The following KCNQ3 variants were observed in gnomAD, a reference collection of about 807,000 sequenced individuals.
KCNQ3 encodes the protein potassium voltage-gated channel subfamily Q member 3.
In KCNQ3, 30 loss-of-function variants were observed where a neutral mutation model predicts 92.5. That is an observed-to-expected ratio of 0.32 (90% CI 0.24 to 0.44). KCNQ3 has a LOEUF of 0.44. Ranked by LOEUF, KCNQ3 falls within the 20% of genes least tolerant of loss-of-function variation. The probability of loss-of-function intolerance (pLI) is 1.00; values close to 1 mark genes in which losing one functional copy is unlikely to be tolerated. For synonymous variants in KCNQ3, 450 were observed against 468.8 expected, an observed-to-expected ratio of 0.96 and a Z score of 0.52; for missense variants, 913 against 1,140.3, an observed-to-expected ratio of 0.80 and a Z score of 2.87.
chr8:132,374,582 T>A (rs1021632564), intron 1 of KCNQ3, among the ~76,000 whole-genome samples: 1 of 152,232 alleles, frequency 6.6e-6, no homozygotes, highest in Non-Finnish European at 1.5e-5. Flanking sequence ...ATAAGTAAAC[T>A]CGTGTTACGG....
At chr8:132,246,108 C>T (rs953428025) in intron 1 of KCNQ3, among the ~76,000 whole-genome samples, 16 of 152,136 alleles carry the variant, frequency 1.1e-4, no homozygotes, top group Admixed American at 8.5e-4. Context: ...GTTTTCCACA[C>T]GGGGCATGGC....
chr8:132,142,289 C>T (rs1385050039), intron 9 of KCNQ3, among the ~76,000 whole-genome samples: 1 of 152,148 alleles, frequency 6.6e-6, no homozygotes, highest in African/African-American at 2.4e-5. Flanking sequence ...TGCAAAAAGC[C>T]AGTTGCACCT....
chr8:132,255,656 A>C (rs1229929673), intron 1 of KCNQ3, among the ~76,000 whole-genome samples: 1 of 152,208 alleles, frequency 6.6e-6, no homozygotes, highest in Non-Finnish European at 1.5e-5. Context: ...CTGCCTGAGC[A>C]TTAAAGTTAT....
At chr8:132,254,583 G>A (rs1815518975) in intron 1 of KCNQ3, among the ~76,000 whole-genome samples, 1 of 152,114 alleles carries the variant, frequency 6.6e-6, no homozygotes, top group South Asian at 2.1e-4. Context: ...GATAATAAAT[G>A]TTTTAATAAT....
intron 1 of KCNQ3, among the ~76,000 whole-genome samples, chr8:132,331,845 GA>G (rs1178237146): frequency 6.6e-6 from 1 of 152,238 alleles, no homozygotes; most frequent in Non-Finnish European, 1.5e-5. Context: ...GGCTGAAGAT[GA>G]AGAGTGACTG....
intron 1 of KCNQ3, among the ~76,000 whole-genome samples, chr8:132,278,705 T>C (rs1050186941): frequency 2.0e-5 from 3 of 152,204 alleles, no homozygotes; most frequent in Non-Finnish European, 4.4e-5. Flanking sequence ...GCAGACCTCC[T>C]GGGCTAGGAA....
intron 1 of KCNQ3, among the ~76,000 whole-genome samples, chr8:132,462,628 C>T (rs1317049850): frequency 6.6e-6 from 1 of 152,190 alleles, no homozygotes; most frequent in Non-Finnish European, 1.5e-5. Flanking sequence ...CTACTGCATT[C>T]AGAATATCTG....
chr8:132,413,345 C>T (rs188688226), intron 1 of KCNQ3, among the ~76,000 whole-genome samples: 116 of 152,338 alleles, frequency 7.6e-4, no homozygotes, highest in Non-Finnish European at 1.3e-3. Context: ...TCTTCACCTA[C>T]GTTATTTCAA....
chr8:132,230,449 CAGAGAGAG>C (rs5895132), intron 1 of KCNQ3, among the ~76,000 whole-genome samples: 1,605 of 142,396 alleles, frequency 0.011, 27 homozygotes, highest in African/African-American at 0.032. Flanking sequence ...GAGAGAGAGA[CAGAGAGAG>C]AGAGAGAGAG....
intron 1 of KCNQ3, among the ~76,000 whole-genome samples, chr8:132,274,459 A>T (rs1160204057): frequency 6.6e-6 from 1 of 152,166 alleles, no homozygotes; most frequent in African/African-American, 2.4e-5. Context: ...TTGGGTGGGG[A>T]CACAGCCAAA....
In KCNQ3 at chr8:132,443,889, T is replaced by G. The variant is rs73708469; in HGVS notation, c.386+36258A>C. ...TTTGTCTTATTTACTCAACAACTAC[T>G]TTCACACAGCTAAGGGCCAAGCATT... is the stretch of plus-strand genomic sequence containing the variant. On this transcript the variant is annotated intron_variant, in intron 1 of 14. Transcript: ENST00000388996. Among the ~76,000 whole-genome samples, 764 of 152,284 alleles carry G rather than the reference T, an allele frequency of 5.0e-3. 4 individuals are homozygous for G. The highest frequency in any genetic ancestry group is 0.017 in the African/African-American group (721 of 41,552).
chr8:132,195,573 C>A (rs562504554), intron 1 of KCNQ3, among the ~76,000 whole-genome samples: 1 of 152,106 alleles, frequency 6.6e-6, no homozygotes, highest in African/African-American at 2.4e-5. Context: ...TCGGTACATG[C>A]CTTCCAGTAC....
intron 1 of KCNQ3, among the ~76,000 whole-genome samples, chr8:132,276,652 G>A (rs1816340891): frequency 6.6e-6 from 1 of 152,132 alleles, no homozygotes; most frequent in South Asian, 2.1e-4. Flanking sequence ...CTGTTCTGCG[G>A]CTGCACCTGC....
At chr8:132,252,829 C>T (rs148467765) in intron 1 of KCNQ3, among the ~76,000 whole-genome samples, 2 of 152,294 alleles carry the variant, frequency 1.3e-5, no homozygotes, top group South Asian at 2.1e-4. Flanking sequence ...GGTCCCCACT[C>T]GACCCAGGAA....
At chr8:132,242,178 C>T (rs909286054) in intron 1 of KCNQ3, among the ~76,000 whole-genome samples, 3 of 152,166 alleles carry the variant, frequency 2.0e-5, no homozygotes, top group Non-Finnish European at 4.4e-5. Context: ...AGTTGCTGAC[C>T]TGTGAGGTGG....
chr8:132,146,899 A>G (rs1371720551), intron 9 of KCNQ3, among the ~76,000 whole-genome samples: 1 of 151,444 alleles, frequency 6.6e-6, no homozygotes, highest in African/African-American at 2.5e-5. Flanking sequence ...CTCAGGTGAT[A>G]CGCCCGCCTC....
intron 1 of KCNQ3, among the ~76,000 whole-genome samples, chr8:132,402,478 A>T (rs1191751500): frequency 3.3e-5 from 5 of 152,214 alleles, no homozygotes; most frequent in Admixed American, 2.6e-4. Context: ...TCTTTCGTGT[A>T]TCTCCTGACA....
chr8:132,232,197 G>A (rs1814666158), intron 1 of KCNQ3, among the ~76,000 whole-genome samples: 1 of 152,146 alleles, frequency 6.6e-6, no homozygotes, highest in Non-Finnish European at 1.5e-5. Context: ...ATATGATCAA[G>A]GCACTTCAAG....
chr8:132,273,100 G>T (rs1454001773), intron 1 of KCNQ3, among the ~76,000 whole-genome samples: 2 of 152,086 alleles, frequency 1.3e-5, no homozygotes, highest in Non-Finnish European at 2.9e-5. Context: ...CCACTAGGTG[G>T]TGCCCCAGTA....
Sources: allele counts gnomAD v4.1 joint callset (sites outside exome capture counted in the v4.1 genomes callset), GRCh38; gene constraint gnomAD v4.1.1; transcripts MANE v1.5; gene names NCBI Gene and HGNC (gene_info 2026-07-23, HGNC 2026-07-21).